The following CUX1 variants were observed in gnomAD, a reference collection of about 807,000 sequenced individuals.
The protein encoded by CUX1 is cut like homeobox 1.
A neutral mutation model predicts 158.8 loss-of-function variants in CUX1; 31 were observed. The observed-to-expected ratio is 0.20, with a 90% CI of 0.15 to 0.26. CUX1 has a LOEUF of 0.26. Ranked by LOEUF, CUX1 falls within the 10% of genes least tolerant of loss-of-function variation. CUX1 has a pLI of 1.00. For missense variants in CUX1, 1,589 were observed against 2,014.6 expected (o/e 0.79, Z 4.04); for synonymous variants, 879 against 862.1 (o/e 1.02, Z -0.34).
chr7:102,099,803 C>T (rs1554485765), intron 5 of CUX1, among the ~76,000 whole-genome samples: 2 of 151,948 alleles, frequency 1.3e-5, no homozygotes, highest in African/African-American at 4.8e-5. Context: ...GCCTGGTGGG[C>T]TGTGCAGGAT....
intron 1 of CUX1, among the ~76,000 whole-genome samples, chr7:101,895,914 T>TTTTTTG (rs377072645): frequency 7.6e-6 from 1 of 131,340 alleles, no homozygotes; most frequent in African/African-American, 2.8e-5. Flanking sequence ...TTTTGTTTTT[T>TTTTTTG]TTTTTTTTTT....
intron 1 of CUX1, among the ~76,000 whole-genome samples, chr7:101,845,274 C>G (rs1461567454): frequency 6.6e-6 from 1 of 152,124 alleles, no homozygotes; most frequent in Non-Finnish European, 1.5e-5. Flanking sequence ...GTGCGAGCCC[C>G]CATGCCTGAC....
intron 14 of CUX1, among the ~76,000 whole-genome samples, chr7:102,267,956 T>G (rs960692303): frequency 6.6e-6 from 1 of 152,152 alleles, no homozygotes; most frequent in African/African-American, 2.4e-5. Context: ...CGTGAGCCAC[T>G]GCACCGGGCC....
chr7:101,973,770 C>CTTTTTCT (rs1812291404), intron 2 of CUX1, among the ~76,000 whole-genome samples: 2 of 137,376 alleles, frequency 1.5e-5, no homozygotes, highest in African/African-American at 2.7e-5. Flanking sequence ...TTTTCTTTTT[C>CTTTTTCT]TTTTTTTTTT....
intron 2 of CUX1, among the ~76,000 whole-genome samples, chr7:101,954,456 A>G (rs1809505876): frequency 6.6e-6 from 1 of 152,240 alleles, no homozygotes; most frequent in South Asian, 2.1e-4. Flanking sequence ...CTTGGTGCCT[A>G]GCGTCTTTTG....
chr7:101,927,819 C>CA (rs1805779099), intron 2 of CUX1, among the ~76,000 whole-genome samples: 1 of 152,224 alleles, frequency 6.6e-6, no homozygotes, highest in Admixed American at 6.5e-5. Flanking sequence ...GCTAATCTCC[C>CA]AGTTGCTCTG....
At chr7:102,274,923 G>C (rs17135123) in intron 16 of CUX1, among the ~76,000 whole-genome samples, 1 of 152,300 alleles carries the variant, frequency 6.6e-6, no homozygotes, top group East Asian at 1.9e-4. Flanking sequence ...TCTGACAGCT[G>C]CAAGGGTCTC....
intron 9 of CUX1, among the ~76,000 whole-genome samples, chr7:102,158,868 A>C (rs1473470799): frequency 6.6e-5 from 10 of 152,232 alleles, no homozygotes; most frequent in Non-Finnish European, 1.2e-4. Context: ...CCAAAGTGGT[A>C]ACTGTCTCCT....
Position 102,201,785 on chromosome 7 carries a change from C to G in CUX1, c.2488C>G (p.Pro830Ala). The change falls in exon 18 of 24, where the codon CCG (proline) becomes GCG (alanine). Residue 830 changes from proline to alanine, a missense_variant. Transcript: ENST00000292535. This position sits in a 1 kb window ranked among gnomAD's most constrained non-coding sequence, Gnocchi z 5.0. ...GGACCACTGGTGGAGCGCGGTGCAGCCGGAGAGAAGAAATGCCGCCTCCTC... is the reference window on the plus strand; with the variant it reads ...GGACCACTGGTGGAGCGCGGTGCAGGCGGAGAGAAGAAATGCCGCCTCCTC... ...WKDHWWSAVQ[P>A]ERRNAASSEE... The G allele has an allele frequency of 6.2e-7, 1 of 1,612,662 alleles. No individual in the cohort carries two copies. The highest frequency in any genetic ancestry group is 8.5e-7 in the Non-Finnish European group (1 of 1,179,892).
Position 102,202,170 on chromosome 7 carries a change from A to G in CUX1, c.2873A>G (p.Lys958Arg). 6.2e-7 allele frequency: 1 copy of G among 1,611,286 alleles called. No homozygotes were observed. Among genetic ancestry groups the G allele is most frequent in the Non-Finnish European group, 8.5e-7 (1 of 1,177,848 alleles). ...LTRQVKEKLA[K>R]NGICQRIFGE... ...CGGCAGGTTAAGGAAAAGCTGGCCA[A>G]GAACGGCATCTGCCAGAGAATCTTC... The change falls in exon 18 of 24, where the codon AAG (lysine) becomes AGG (arginine). Residue 958 changes from lysine to arginine, a missense_variant. By Grantham distance (26) the Lys-to-Arg change is conservative (BLOSUM62 2). Transcript: ENST00000292535.
chr7:101,869,763 A>T lies in CUX1; in HGVS notation c.31-46352A>T, dbSNP rs1228428443. 6.6e-6 allele frequency among the ~76,000 whole-genome samples: 1 copy of T among 152,164 alleles called. No homozygotes were observed. The highest frequency in any genetic ancestry group is 1.5e-5 in the Non-Finnish European group (1 of 68,004). ...TGCAGAGGAAGCGCAGGGGAGGCGC[A>T]GGGGAGGCCAGGCTCTGGCATTTCC... On this transcript the variant is annotated intron_variant, in intron 1 of 23. Coordinates refer to ENST00000292535, the MANE Select transcript of CUX1 (RefSeq NM_181552.4). This position sits in a 1 kb window ranked among gnomAD's most constrained non-coding sequence, Gnocchi z 4.5.
intron 4 of CUX1, among the ~76,000 whole-genome samples, chr7:102,084,553 G>C (rs561499902): frequency 6.9e-6 from 1 of 144,132 alleles, no homozygotes; most frequent in Non-Finnish European, 1.6e-5. Flanking sequence ...CTCCCAAGTA[G>C]CTGGGATTAC....
At chr7:102,075,496 C>T (rs1018659477) in intron 4 of CUX1, among the ~76,000 whole-genome samples, 13 of 152,206 alleles carry the variant, frequency 8.5e-5, no homozygotes, top group Non-Finnish European at 7.3e-5. Flanking sequence ...TGGTTCAGTG[C>T]GGTTTTGTCC....
chr7:102,003,114 G>A (rs1188386932), intron 2 of CUX1, among the ~76,000 whole-genome samples: 2 of 151,962 alleles, frequency 1.3e-5, no homozygotes, highest in South Asian at 2.1e-4. Flanking sequence ...GGCCAGGCTC[G>A]TCTCAAACTC....
chr7:102,259,016 G>T (rs1399053215), downstream of CUX1, among the ~76,000 whole-genome samples: 1 of 152,166 alleles, frequency 6.6e-6, no homozygotes, highest in African/African-American at 2.4e-5. Context: ...CCAGGCCGAC[G>T]TGTGTCTGGT....
chr7:102,230,075 G>C (rs577167716), intron 21 of CUX1, among the ~76,000 whole-genome samples: 2 of 152,220 alleles, frequency 1.3e-5, no homozygotes, highest in African/African-American at 4.8e-5. Flanking sequence ...GTTCTCTGCA[G>C]AGCATGTAAG....
intron 1 of CUX1, among the ~76,000 whole-genome samples, chr7:101,854,740 T>C (rs1466662633): frequency 6.6e-6 from 1 of 152,170 alleles, no homozygotes; most frequent in African/African-American, 2.4e-5. Flanking sequence ...TGGACTCAGT[T>C]TTCTTTCTTT....
In CUX1 at chr7:102,204,399, C is replaced by A; in HGVS notation, c.2916C>A (p.Gly972=). 1 of 1,613,370 alleles carries A rather than the reference C, an allele frequency of 6.2e-7. No homozygotes were observed. Among genetic ancestry groups the A allele is most frequent in the Non-Finnish European group, 8.5e-7 (1 of 1,179,956 alleles). The change falls in exon 19 of 24, where the codon GGC becomes GGA. Residue 972 remains glycine, a synonymous_variant. Coordinates refer to ENST00000292535, the MANE Select transcript of CUX1 (RefSeq NM_181552.4). ...GTTCGGTGCCACTCCAGGTGCTGGG[C>A]CTGTCCCAGGGCAGCGTCAGCGACA... The part of the protein sequence containing the change: ...CQRIFGEKVL[G]LSQGSVSDML...
chr7:102,219,305 G>C (rs1554526059), intron 20 of CUX1, among the ~76,000 whole-genome samples: 1 of 152,048 alleles, frequency 6.6e-6, no homozygotes, highest in East Asian at 1.9e-4. Flanking sequence ...CTTTCCTGGA[G>C]TGGGGCAGAG....
Sources: gnomAD v4.1 joint callset for allele counts (sites outside exome capture counted in the v4.1 genomes callset) on GRCh38, gnomAD v4.1.1 for gene constraint, Gnocchi (gnomAD v3.1) non-coding constraint, MANE v1.5 for transcripts, NCBI Gene and HGNC (gene_info 2026-07-23, HGNC 2026-07-21) for gene names.